Variants in WDR17 observed in about 807,000 individuals in gnomAD.
WDR17 encodes the protein WD repeat domain 17.
Under a neutral mutation model 161.7 loss-of-function variants are expected in WDR17, and 143 were observed. That is an observed-to-expected ratio of 0.88 (90% CI 0.77 to 1.02). The LOEUF (loss-of-function observed/expected upper bound fraction) is 1.02. Among genes scored for constraint, WDR17 ranks in the 50% least tolerant of loss-of-function variants. The pLI is 0.00. For synonymous variants in WDR17, 517 were observed against 515.6 expected (o/e 1.00, Z -0.04); for missense variants, 1,469 against 1,520.9 (o/e 0.97, Z 0.57).
intron 6 of WDR17, among the ~76,000 whole-genome samples, chr4:176,130,298 A>G (rs1035702930): frequency 2.2e-5 from 3 of 139,444 alleles, no homozygotes; most frequent in Non-Finnish European, 4.7e-5. Context: ...CAAAATATCA[A>G]CGAAATTTAG....
At chr4:176,118,923 T>C (rs1693250680) in intron 3 of WDR17, among the ~76,000 whole-genome samples, 1 of 151,984 alleles carries the variant, frequency 6.6e-6, no homozygotes, top group African/African-American at 2.4e-5. Context: ...ATTGCATCAC[T>C]GCACTCCAGC....
chr4:176,077,386 C>T (rs1734190070), intron 1 of WDR17, among the ~76,000 whole-genome samples: 1 of 142,634 alleles, frequency 7.0e-6, no homozygotes, highest in African/African-American at 2.5e-5. Flanking sequence ...TGACAATGTA[C>T]ATTTATACAT....
At chr4:176,166,754 A>G (rs1347455401) in intron 22 of WDR17, among the ~76,000 whole-genome samples, 3 of 152,196 alleles carry the variant, frequency 2.0e-5, no homozygotes, top group Admixed American at 6.5e-5. Flanking sequence ...GAGGAAACAC[A>G]TGACATCATT....
intron 3 of WDR17, among the ~76,000 whole-genome samples, chr4:176,118,861 T>A (rs961178453): frequency 3.3e-5 from 5 of 151,776 alleles, no homozygotes; most frequent in African/African-American, 1.2e-4. Flanking sequence ...CTCGGGAGGC[T>A]GAGGCAGGAG....
chr4:176,179,361 T>TATG, intron 28 of WDR17, 99 bp from the exon 29 acceptor site: 1 of 1,251,880 alleles, frequency 8.0e-7, no homozygotes, highest in Non-Finnish European at 1.0e-6. Context: ...GCCTAAATAT[T>TATG]ATGTTTTTTT....
Position 176,111,665 on chromosome 4 carries a change from T to C in WDR17, c.85T>C (p.Phe29Leu). The C allele has an allele frequency of 6.2e-7, 1 of 1,609,562 alleles. No individual in the cohort carries two copies. Among genetic ancestry groups the C allele is most frequent in the Non-Finnish European group, 8.5e-7 (1 of 1,177,154 alleles). The part of the protein sequence containing the change: ...KDVCAASGDR[F>L]AYCATLAIYI... ...TGTATGTGCTGCCAGTGGAGACAGGTTTGCATATTGTGCGACCCTGGCTAT... is the reference window on the plus strand; with the variant it reads ...TGTATGTGCTGCCAGTGGAGACAGGCTTGCATATTGTGCGACCCTGGCTAT... Residue 29 changes from phenylalanine (F) to leucine (L), a missense_variant, in exon 2 of 29, where the codon TTT (phenylalanine) becomes CTT (leucine). Physicochemically the swap from Phe to Leu is conservative, Grantham distance 22. Transcript: ENST00000508596.
intron 13 of WDR17, among the ~76,000 whole-genome samples, 190 bp downstream of exon 13, chr4:176,148,525 A>T (rs556649185): frequency 6.8e-4 from 104 of 152,346 alleles, no homozygotes; most frequent in Non-Finnish European, 1.2e-3. Flanking sequence ...GTCAACAAAA[A>T]TTATCAGAAG....
At chr4:176,070,255 C>A (rs570888281) in intron 1 of WDR17, among the ~76,000 whole-genome samples, 1 of 152,250 alleles carries the variant, frequency 6.6e-6, no homozygotes, top group South Asian at 2.1e-4. Context: ...TAATGTCTCA[C>A]CTTCAAAATT....
At chr4:176,143,611 C>T (rs943350268) in intron 11 of WDR17, among the ~76,000 whole-genome samples, 2 of 151,968 alleles carry the variant, frequency 1.3e-5, no homozygotes, top group African/African-American at 2.4e-5. Flanking sequence ...CCCAGGAGGT[C>T]GAGGCTGCAG....
Position 176,081,887 on chromosome 4 carries a change from G to A in WDR17, c.-7+15808G>A, listed in dbSNP as rs80245575. Reference sequence around the variant, plus strand: ...AAACATCATTCTCCTCCTAGGATAGGTAAACAGCCTTTCCTCCCTGAGATC... The same window carrying A: ...AAACATCATTCTCCTCCTAGGATAGATAAACAGCCTTTCCTCCCTGAGATC... On this transcript the variant is annotated intron_variant, in intron 1 of 28. Coordinates refer to ENST00000508596, the MANE Select transcript of WDR17 (RefSeq NM_181265.4). Among the ~76,000 whole-genome samples the A allele has an allele frequency of 9.8e-3, 1,494 of 152,200 alleles. 18 individuals carry two copies. The highest frequency in any genetic ancestry group is 0.034 in the African/African-American group (1,431 of 41,532).
chr4:176,116,310 C>T lies in WDR17; in HGVS notation c.307+331C>T, dbSNP rs568535373. On this transcript the variant is annotated intron_variant, in intron 3 of 28. Transcript: ENST00000508596. ...TTTGTTATTGAGACAAGTAACAAGC[C>T]TTGGCTGTTCATTACTCTATTCCAA... Among the ~76,000 whole-genome samples, 10 of 151,722 alleles carry T rather than the reference C, an allele frequency of 6.6e-5. No individual in the cohort carries two copies. The South Asian group carries it at 2.1e-3, about 32-fold the overall frequency.
intron 1 of WDR17, among the ~76,000 whole-genome samples, chr4:176,086,314 G>C (rs889970359): frequency 6.6e-6 from 1 of 151,790 alleles, no homozygotes; most frequent in South Asian, 2.1e-4. Flanking sequence ...GTCCTTTTCT[G>C]TATGTTGTTC....
intron 1 of WDR17, among the ~76,000 whole-genome samples, chr4:176,101,178 C>G (rs1737770774): frequency 6.6e-6 from 1 of 152,072 alleles, no homozygotes; most frequent in African/African-American, 2.4e-5. Flanking sequence ...TTAGAAGAGC[C>G]TTACCTACCT....
intron 15 of WDR17, 62 bp downstream of exon 15, chr4:176,150,235 T>G: frequency 6.3e-7 from 1 of 1,584,332 alleles, no homozygotes; most frequent in Non-Finnish European, 8.6e-7. Flanking sequence ...TCATTACAAC[T>G]ATTTTTATTC....
chr4:176,137,657 T>C, intron 9 of WDR17, 46 bp downstream of exon 9: 1 of 1,159,982 alleles, frequency 8.6e-7, no homozygotes, highest in Non-Finnish European at 1.2e-6. Context: ...TTTTATACTA[T>C]TTTGTATTTA....
At position 176,137,554 on chromosome 4, in the gene WDR17, A is replaced by G; in HGVS notation, c.1302A>G (p.Arg434=). 2 of 1,601,948 alleles carry G rather than the reference A, an allele frequency of 1.2e-6. No individual in the cohort carries two copies. Among genetic ancestry groups the G allele is most frequent in the Middle Eastern group, 1.7e-4 (1 of 5,978 alleles). ...ATTGTATTGCTGGGGGAACTTCCCG[A>G]AATGGTGCTTTTATTTGGAATGTTC... The part of the protein sequence containing the change: ...GLNCIAGGTS[R]NGAFIWNVQK... Residue 434 remains arginine (R), a synonymous_variant, in exon 9 of 29, where the codon CGA becomes CGG. Transcript: ENST00000508596.
intron 15 of WDR17, 127 bp from the exon 16 acceptor site, chr4:176,150,336 CATGAG>C: frequency 7.0e-7 from 1 of 1,436,552 alleles, no homozygotes; most frequent in Non-Finnish European, 9.3e-7. Flanking sequence ...AGAAACAATA[CATGAG>C]ATAACATGTA....
intron 1 of WDR17, chr4:176,096,555 G>A (rs770003042): frequency 1.0e-5 from 16 of 1,600,510 alleles, no homozygotes; most frequent in South Asian, 3.4e-5. Context: ...ATTGGTTTGA[G>A]CAAGATGATT....
At chr4:176,149,982 GTTTATTTCTAAATAAGTT>G (rs1746850223) in intron 14 of WDR17, 26 bp downstream of exon 14, 1 of 1,610,024 alleles carries the variant, frequency 6.2e-7, no homozygotes, top group Admixed American at 1.7e-5. Flanking sequence ...ATGTATTAGA[GTTTATTTCTAAATAAGTT>G]TTATGAGAAA....
Sources: gnomAD v4.1 joint callset for allele counts (sites outside exome capture counted in the v4.1 genomes callset) on GRCh38, gnomAD v4.1.1 for gene constraint, MANE v1.5 for transcripts, NCBI Gene and HGNC (gene_info 2026-07-23, HGNC 2026-07-21) for gene names.